ACOT4: variants seen among roughly 807,000 people sequenced by gnomAD.
ACOT4 encodes peroxisomal succinyl-coenzyme A thioesterase.
Under a neutral mutation model 17.1 loss-of-function variants are expected in ACOT4, and 18 were observed. The ratio of observed to expected loss-of-function variants is 1.05; its 90% confidence interval spans 0.73 to 1.56. The LOEUF is 1.56. Ranked by LOEUF, ACOT4 falls within the 40% of genes most tolerant of loss-of-function variation. ACOT4 has a pLI of 0.00. For missense variants in ACOT4, 574 were observed against 557.2 expected, an observed-to-expected ratio of 1.03 and a Z score of -0.30; for synonymous variants, 234 against 236.6, an observed-to-expected ratio of 0.99 and a Z score of 0.10.
chr14:73,592,457 C>T, intron 1 of ACOT4, 41 bp downstream of exon 1: 1 of 1,458,492 alleles, frequency 6.9e-7, no homozygotes, highest in Non-Finnish European at 9.0e-7. Context: ...CGTCAGTGGC[C>T]TGAGTCTCCG....
At chr14:73,593,951 C>G in intron 2 of ACOT4, 47 bp downstream of exon 2, 1 of 1,513,546 alleles carries the variant, frequency 6.6e-7, no homozygotes, top group Non-Finnish European at 9.0e-7. Context: ...GAAATATTTC[C>G]ATAGAGAGTG....
rs147802052 is a variant in ACOT4 at position 73,593,610 on chromosome 14, T to G, written c.458-92T>G. On this transcript the variant is annotated intron_variant, in intron 1 of 2. Transcript: ENST00000326303. ...CTCCTGCCTTGGCCTCCTAAAGTGC[T>G]GAGATTACAAGCATGAACCACAGTG... is the stretch of plus-strand genomic sequence containing the variant. The G allele has an allele frequency of 5.3e-4, 683 of 1,277,178 alleles. 5 individuals carry two copies. In the African/African-American group the frequency reaches 9.1e-3, roughly 17 times the overall value. The allele number at this position is 1,277,178 out of a possible 1,614,324, so 79.1% of individuals were successfully genotyped here.
chr14:73,592,365 C>G lies in ACOT4; in HGVS notation c.406C>G (p.Arg136Gly). The change falls in exon 1 of 3, where the codon CGC becomes GGC. Residue 136 changes from arginine (R) to glycine (G), a missense_variant. Physicochemically the swap from Arg to Gly is moderately radical, Grantham distance 125. Transcript: ENST00000326303. Reference protein sequence around the residue: ...ERHFLPPGVRRQSVRAGRVRA... With the variant: ...ERHFLPPGVRGQSVRAGRVRA... ...CCACTTCCTCCCGCCAGGGGTGCGG[C>G]GCCAGTCGGTGCGAGCGGGCCGGGT... 6.3e-7 allele frequency: 1 copy of G among 1,581,772 alleles called. No homozygotes were observed.
intron 1 of ACOT4, among the ~76,000 whole-genome samples, chr14:73,593,137 C>T (rs1595178682): frequency 6.6e-6 from 1 of 152,192 alleles, no homozygotes; most frequent in Non-Finnish European, 1.5e-5. Flanking sequence ...ACTGTCTCTT[C>T]TCCACTTCTT....
intron 1 of ACOT4, among the ~76,000 whole-genome samples, chr14:73,593,383 C>T (rs550973953): frequency 1.2e-4 from 17 of 136,988 alleles, no homozygotes; most frequent in Middle Eastern, 4.4e-3. Flanking sequence ...CTGTTGCCCA[C>T]GCTGGAGTGC....
intron 1 of ACOT4, 22 bp downstream of exon 1, chr14:73,592,438 T>C: frequency 6.7e-7 from 1 of 1,487,078 alleles, no homozygotes; most frequent in Non-Finnish European, 8.9e-7. Context: ...TGCTGGCGGG[T>C]GGTGTGAGCG....
Position 73,595,181 on chromosome 14 carries a change from A to G in ACOT4, c.793A>G (p.Ile265Val). 6.2e-7 allele frequency: 1 copy of G among 1,614,260 alleles called. No individual in the cohort carries two copies. The highest frequency in any genetic ancestry group is 8.5e-7 in the Non-Finnish European group (1 of 1,180,048). ...NGSGISGNTAINYKHSSIPPL... is the reference protein window; with the variant it reads ...NGSGISGNTAVNYKHSSIPPL... ...ATCTGGGATCAGTGGGAACACAGCC[A>G]TCAACTATAAGCACAGTAGCATTCC... Residue 265 changes from isoleucine (I) to valine (V), a missense_variant, in exon 3 of 3, where the codon ATC becomes GTC. Physicochemically the swap from Ile to Val is conservative, Grantham distance 29 (BLOSUM62 3). Transcript: ENST00000326303.
At chr14:73,592,539 C>T (rs756699754) in intron 1 of ACOT4, 123 bp downstream of exon 1, 19 of 1,187,936 alleles carry the variant, frequency 1.6e-5, no homozygotes, top group Non-Finnish European at 1.9e-5. Context: ...TTGACTATGT[C>T]AGTGGCCACT....
chr14:73,592,250 C>G lies in ACOT4; in HGVS notation c.291C>G (p.Asp97Glu), dbSNP rs746631041. The change falls in exon 1 of 3, where the codon GAC becomes GAG. Residue 97 changes from aspartate (D) to glutamate (E), a missense_variant. Coordinates refer to ENST00000326303, the MANE Select transcript of ACOT4 (RefSeq NM_152331.4). ...EKPFWRFLKR[D>E]VQIPFVVELE... ...CTTTTTGGCGCTTCCTGAAGCGGGA[C>G]GTACAGATTCCTTTTGTCGTGGAGT... 1.2e-6 allele frequency: 2 copies of G among 1,613,330 alleles called. No individual in the cohort carries two copies. The highest frequency in any genetic ancestry group is 1.1e-5 in the South Asian group (1 of 91,016).
Position 73,595,137 on chromosome 14 carries a change from CCA to C in ACOT4, c.752_753del (p.Thr251SerfsTer17). 3 of 1,614,196 alleles carry C rather than the reference CCA, an allele frequency of 1.9e-6. No individual in the cohort carries two copies. The highest frequency in any genetic ancestry group is 2.5e-6 in the Non-Finnish European group (3 of 1,180,034). ...GCCTCATTCTTGAAGAATGTCTCAG[CCA>C]CAGTTTCCATCAATGGATCTGGGAT... On this transcript the variant is annotated frameshift_variant, in exon 3 of 3. Coordinates refer to ENST00000326303, the MANE Select transcript of ACOT4 (RefSeq NM_152331.4). LOFTEE classifies it low-confidence loss of function (END_TRUNC).
chr14:73,594,517 A>AT (rs1206562376), intron 2 of ACOT4, among the ~76,000 whole-genome samples: 1 of 152,114 alleles, frequency 6.6e-6, no homozygotes, highest in Non-Finnish European at 1.5e-5. Flanking sequence ...TTTTTCAGTG[A>AT]TTTTAAGATG....
chr14:73,595,666 G>A lies in ACOT4; in HGVS notation c.*12G>A, dbSNP rs79521619. The A allele has an allele frequency of 0.05, 75,804 of 1,512,028 alleles. 2,085 individuals are homozygous for A. The highest frequency in any genetic ancestry group is 0.091 in the Middle Eastern group (360 of 3,960). The allele number at this position is 1,512,028 out of a possible 1,614,324, so 93.7% of individuals were successfully genotyped here. On this transcript the variant is annotated 3_prime_UTR_variant, in exon 3 of 3. Transcript: ENST00000326303. ...TCCCTAAATTGTAATGCATTTGTCT[G>A]TTGTTGACATGAGAGATTCAAGATC...
In ACOT4 at chr14:73,592,154, A is replaced by T; in HGVS notation, c.195A>T (p.Ala65=). Reference sequence around the variant, plus strand: ...GCGGCGAGCTGGACCTGGAGCGCGCACCCGCGCTGGGCGGCAGCTTCGCGG... The same window carrying T: ...GCGGCGAGCTGGACCTGGAGCGCGCTCCCGCGCTGGGCGGCAGCTTCGCGG... ...DARGELDLER[A]PALGGSFAGL... is the part of the protein sequence containing the mutation. Residue 65 remains alanine (A), a synonymous_variant, in exon 1 of 3, where the codon GCA becomes GCT. Transcript: ENST00000326303. 1 of 1,596,702 alleles carries T rather than the reference A, an allele frequency of 6.3e-7. No homozygotes were observed. The highest frequency in any genetic ancestry group is 1.1e-5 in the South Asian group (1 of 88,708).
At chr14:73,594,712 A>C (rs1369281215) in intron 2 of ACOT4, among the ~76,000 whole-genome samples, 1 of 150,866 alleles carries the variant, frequency 6.6e-6, no homozygotes, top group Admixed American at 6.6e-5. Flanking sequence ...TTATTTATTT[A>C]TCTTTTGAGA....
intron 2 of ACOT4, among the ~76,000 whole-genome samples, chr14:73,594,826 A>G (rs1459481290): frequency 1.3e-5 from 2 of 152,002 alleles, no homozygotes; most frequent in Non-Finnish European, 2.9e-5. Context: ...TCAGCCTCCC[A>G]GGTAACTGGG....
chr14:73,594,820 C>G (rs1330321825), intron 2 of ACOT4, among the ~76,000 whole-genome samples: 1 of 152,136 alleles, frequency 6.6e-6, no homozygotes, highest in African/African-American at 2.4e-5. Context: ...CCTGCCTCAG[C>G]CTCCCAGGTA....
chr14:73,595,505 T>A lies in ACOT4; in HGVS notation c.1117T>A (p.Ser373Thr). 2 of 1,613,734 alleles carry A rather than the reference T, an allele frequency of 1.2e-6. No individual in the cohort carries two copies. Among genetic ancestry groups the A allele is most frequent in the Non-Finnish European group, 1.7e-6 (2 of 1,179,676 alleles). Residue 373 changes from serine to threonine, a missense_variant, in exon 3 of 3, where the codon TCC becomes ACC. Transcript: ENST00000326303. ...TCCTTACTTCCCCCTGTGCCCAGCT[T>A]CCCTTCACAGATTACTGAACAAACA... ...EPPYFPLCPA[S>T]LHRLLNKHVI...
intron 2 of ACOT4, among the ~76,000 whole-genome samples, chr14:73,594,253 G>A (rs28562441): frequency 0.061 from 9,237 of 152,186 alleles, 603 homozygotes; most frequent in African/African-American, 0.17. Context: ...CCTTTCAGAA[G>A]CCAAGAACAA....
rs1280503939 is a variant in ACOT4 at position 73,595,537 on chromosome 14, AT to A, written c.1150del (p.Trp384GlyfsTer20). 5.0e-6 allele frequency: 8 copies of A among 1,610,668 alleles called. No individual in the cohort carries two copies. The highest frequency in any genetic ancestry group is 6.8e-6 in the Non-Finnish European group (8 of 1,177,294). On this transcript the variant is annotated frameshift_variant, in exon 3 of 3. Transcript: ENST00000326303. LOFTEE classifies it low-confidence loss of function (END_TRUNC). ...LHRLLNKHVI[W>X]GGEPRAHSKA... ...ACAGATTACTGAACAAACATGTTATATGGGGTGGGGAGCCCAGGGCTCATTC... is the reference window on the plus strand; with the variant it reads ...ACAGATTACTGAACAAACATGTTATAGGGGTGGGGAGCCCAGGGCTCATTC...
Sources: allele counts gnomAD v4.1 joint callset (sites outside exome capture counted in the v4.1 genomes callset), GRCh38; gene constraint gnomAD v4.1.1; transcripts MANE v1.5; gene names NCBI Gene and HGNC (gene_info 2026-07-23, HGNC 2026-07-21).